CNTNAP5: variants seen among roughly 807,000 people sequenced by gnomAD.
CNTNAP5 encodes contactin-associated protein-like 5.
A neutral mutation model predicts 150.2 loss-of-function variants in CNTNAP5; 72 were observed. The observed-to-expected ratio is 0.48, with a 90% CI of 0.40 to 0.58. The LOEUF is 0.58. Among genes scored for constraint, CNTNAP5 ranks in the 20% least tolerant of loss-of-function variants. The pLI is 0.00. For missense variants in CNTNAP5, 1,636 were observed against 1,626.2 expected, an observed-to-expected ratio of 1.01 and a Z score of -0.10; for synonymous variants, 672 against 619.8, an observed-to-expected ratio of 1.08 and a Z score of -1.25.
chr2:124,708,925 C>A (rs542501532), intron 13 of CNTNAP5, among the ~76,000 whole-genome samples: 17 of 152,216 alleles, frequency 1.1e-4, no homozygotes, highest in African/African-American at 2.6e-4. Context: ...TCCTCTGCAA[C>A]CTGGGCAGAG....
At chr2:124,296,667 T>A (rs1463920123) in intron 3 of CNTNAP5, among the ~76,000 whole-genome samples, 1 of 152,186 alleles carries the variant, frequency 6.6e-6, no homozygotes, top group African/African-American at 2.4e-5. Flanking sequence ...TGGTAGTGTT[T>A]TCATAAAGTC....
At chr2:124,482,129 T>C (rs563629433) in intron 7 of CNTNAP5, among the ~76,000 whole-genome samples, 2 of 152,322 alleles carry the variant, frequency 1.3e-5, no homozygotes, top group East Asian at 3.9e-4. Flanking sequence ...ATATTCTTTT[T>C]ATGCTCTCGC....
intron 12 of CNTNAP5, among the ~76,000 whole-genome samples, chr2:124,610,812 A>T (rs1030272617): frequency 2.6e-5 from 4 of 152,070 alleles, no homozygotes; most frequent in Non-Finnish European, 4.4e-5. Context: ...TACAAAAATT[A>T]GCTGGGTGCG....
At position 124,914,096 on chromosome 2, in the gene CNTNAP5, G is replaced by T; in HGVS notation, c.3732G>T (p.Val1244=). Residue 1244 remains valine, a synonymous_variant, in exon 24 of 24, where the codon GTG becomes GTT. Coordinates refer to ENST00000682447, the MANE Select transcript of CNTNAP5 (RefSeq NM_001367498.1). ...VRSDSAVIGG[V]IAVVIFIIFC... is the part of the protein sequence containing the mutation. Reference sequence around the variant, plus strand: ...TTCCTTCCCCTTTCTCTCCAGGGGTGATAGCAGTGGTGATATTCATCATCT... The same window carrying T: ...TTCCTTCCCCTTTCTCTCCAGGGGTTATAGCAGTGGTGATATTCATCATCT... The T allele has an allele frequency of 6.2e-7, 1 of 1,609,994 alleles. No homozygotes were observed. The highest frequency in any genetic ancestry group is 8.5e-7 in the Non-Finnish European group (1 of 1,177,006).
At chr2:124,712,313 C>A (rs1679824417) in intron 13 of CNTNAP5, among the ~76,000 whole-genome samples, 1 of 152,146 alleles carries the variant, frequency 6.6e-6, no homozygotes, top group East Asian at 1.9e-4. Context: ...CTCATTTAAT[C>A]CTCACAACAA....
intron 19 of CNTNAP5, among the ~76,000 whole-genome samples, chr2:124,854,971 G>C (rs7571378): frequency 0.26 from 40,139 of 151,944 alleles, 8,014 homozygotes; most frequent in African/African-American, 0.56. Context: ...AAGGGGAAAA[G>C]AGAAACAAAA....
intron 3 of CNTNAP5, among the ~76,000 whole-genome samples, chr2:124,405,427 A>T (rs192334868): frequency 6.6e-6 from 1 of 152,312 alleles, no homozygotes; most frequent in East Asian, 1.9e-4. Flanking sequence ...CACTGCAATT[A>T]CTTGGTTGCA....
At chr2:124,201,309 A>G (rs1381576724) in intron 1 of CNTNAP5, among the ~76,000 whole-genome samples, 1 of 152,206 alleles carries the variant, frequency 6.6e-6, no homozygotes, top group Non-Finnish European at 1.5e-5. Flanking sequence ...TTTAATGATT[A>G]TGGAAATTGT....
chr2:124,897,129 C>A (rs1034857420), intron 21 of CNTNAP5, among the ~76,000 whole-genome samples: 1 of 151,440 alleles, frequency 6.6e-6, no homozygotes, highest in Non-Finnish European at 1.5e-5. Context: ...AAAATGTGTT[C>A]TTTAAATTGC....
rs571418082 is a variant in CNTNAP5 at position 124,568,788 on chromosome 2, G to A, written c.1756+5465G>A. Reference sequence around the variant, plus strand: ...TGGCCGGGCGCGGTGGCTCACGCCTGTAATCCCAGCCCTTTGGGAGGCCGA... The same window carrying A: ...TGGCCGGGCGCGGTGGCTCACGCCTATAATCCCAGCCCTTTGGGAGGCCGA... On this transcript the variant is annotated intron_variant, in intron 11 of 23. Transcript: ENST00000682447. Among the ~76,000 whole-genome samples the A allele has an allele frequency of 1.7e-4, 26 of 152,352 alleles. No homozygotes were observed. In the South Asian group the frequency reaches 5.0e-3, roughly 29 times the overall value.
chr2:124,446,787 C>T lies in CNTNAP5; in HGVS notation c.768C>T (p.Pro256=). Residue 256 remains proline, a synonymous_variant, in exon 6 of 24, where the codon CCC becomes CCT. Coordinates refer to ENST00000682447, the MANE Select transcript of CNTNAP5 (RefSeq NM_001367498.1). ...DSKARLSSSL[P]SATLGSLLDD... ...AAGCGCGGCTCAGCAGCAGCTTGCC[C>T]TCTGCCACCCTGGGCAGCCTCCTGG... 6.2e-7 allele frequency: 1 copy of T among 1,613,858 alleles called. No individual in the cohort carries two copies. Among genetic ancestry groups the T allele is most frequent in the Non-Finnish European group, 8.5e-7 (1 of 1,179,808 alleles).
chr2:124,908,891 A>G (rs773520537), intron 22 of CNTNAP5, among the ~76,000 whole-genome samples: 1 of 152,168 alleles, frequency 6.6e-6, no homozygotes, highest in Non-Finnish European at 1.5e-5. Flanking sequence ...AAAATCTTCT[A>G]GCAAAAGGAT....
In CNTNAP5 at chr2:124,137,607, A is replaced by G. The variant is rs557291281; in HGVS notation, c.83-84098A>G. Among the ~76,000 whole-genome samples, 8 of 152,336 alleles carry G rather than the reference A, an allele frequency of 5.3e-5. No individual in the cohort carries two copies. The South Asian group carries it at 1.7e-3, about 32-fold the overall frequency. On this transcript the variant is annotated intron_variant, in intron 1 of 23. Transcript: ENST00000682447. The stretch of plus-strand genomic sequence containing the variant: ...ATTCTACTTTGGGCGCTTTAGGGGA[A>G]TAAAAATTGAAATTAAAACCAGTCT...
intron 16 of CNTNAP5, among the ~76,000 whole-genome samples, chr2:124,764,503 AT>A (rs1443885534): frequency 6.6e-6 from 1 of 152,152 alleles, no homozygotes; most frequent in Non-Finnish European, 1.5e-5. Flanking sequence ...CATTCTATTC[AT>A]ATTTAGGGTC....
At chr2:124,309,149 C>G (rs1026379486) in intron 3 of CNTNAP5, among the ~76,000 whole-genome samples, 3 of 152,120 alleles carry the variant, frequency 2.0e-5, no homozygotes, top group Admixed American at 6.5e-5. Context: ...ACGGTTATGA[C>G]AATATACTGT....
At chr2:124,460,359 G>T (rs1052451373) in intron 6 of CNTNAP5, among the ~76,000 whole-genome samples, 8 of 152,094 alleles carry the variant, frequency 5.3e-5, no homozygotes, top group Non-Finnish European at 7.4e-5. Context: ...GCAGTAGAAA[G>T]AATACATTAT....
At chr2:124,037,596 C>G (rs1463770111) in intron 1 of CNTNAP5, among the ~76,000 whole-genome samples, 1 of 152,144 alleles carries the variant, frequency 6.6e-6, no homozygotes, top group African/African-American at 2.4e-5. Flanking sequence ...AAGACAAATG[C>G]TACACAAACT....
intron 14 of CNTNAP5, among the ~76,000 whole-genome samples, chr2:124,759,169 C>G (rs2105159412): frequency 6.6e-6 from 1 of 151,836 alleles, no homozygotes; most frequent in South Asian, 2.1e-4. Context: ...AGAAGACAAA[C>G]AGTTGGTGTG....
chr2:124,756,671 C>A (rs1045837355), intron 14 of CNTNAP5, among the ~76,000 whole-genome samples: 2 of 152,034 alleles, frequency 1.3e-5, no homozygotes. Context: ...GAGGAGGAAA[C>A]CAAATACTGC....
Sources: allele counts gnomAD v4.1 joint callset (sites outside exome capture counted in the v4.1 genomes callset), GRCh38; gene constraint gnomAD v4.1.1; transcripts MANE v1.5; gene names NCBI Gene and HGNC (gene_info 2026-07-23, HGNC 2026-07-21).